KIF6: variants seen among roughly 807,000 people sequenced by gnomAD.
The protein encoded by KIF6 is kinesin-like protein KIF6.
In KIF6, 106 loss-of-function variants were observed where a neutral mutation model predicts 112.7. The observed-to-expected ratio is 0.94, with a 90% CI of 0.80 to 1.11. The LOEUF (loss-of-function observed/expected upper bound fraction) is 1.11. Among genes scored for constraint, KIF6 ranks in the 50% least tolerant of loss-of-function variants. The pLI, the probability that KIF6 is intolerant of heterozygous loss-of-function variation, is 0.00. For synonymous variants in KIF6, 339 were observed against 339.9 expected (o/e 1.00, Z 0.03); for missense variants, 929 against 964.0 (o/e 0.96, Z 0.48).
intron 9 of KIF6, among the ~76,000 whole-genome samples, chr6:39,584,450 A>C (rs1781495587): frequency 7.6e-6 from 1 of 131,832 alleles, no homozygotes; most frequent in African/African-American, 3.3e-5. Flanking sequence ...AAAAAAAAAA[A>C]AAAAAAAAAA....
chr6:39,433,167 A>G (rs1404871365), intron 13 of KIF6, among the ~76,000 whole-genome samples: 2 of 152,268 alleles, frequency 1.3e-5, no homozygotes, highest in East Asian at 1.9e-4. Flanking sequence ...CTTACAATGC[A>G]CTGAGCAACC....
intron 13 of KIF6, among the ~76,000 whole-genome samples, chr6:39,533,842 C>T (rs1209358825): frequency 3.3e-5 from 5 of 152,134 alleles, no homozygotes; most frequent in South Asian, 2.1e-4. Flanking sequence ...CTCACACGGC[C>T]GGGTACTCCT....
chr6:39,526,700 A>G (rs1182632882), intron 13 of KIF6, among the ~76,000 whole-genome samples: 1 of 152,250 alleles, frequency 6.6e-6, no homozygotes, highest in Admixed American at 6.5e-5. Context: ...CATTTCTCTG[A>G]TGTAGCACCT....
chr6:39,365,857 G>A (rs1309284764), intron 16 of KIF6, among the ~76,000 whole-genome samples: 1 of 152,194 alleles, frequency 6.6e-6, no homozygotes, highest in Non-Finnish European at 1.5e-5. Flanking sequence ...CTCACACAGG[G>A]CCATCTCACC....
rs1422891477 is a variant in KIF6 at position 39,543,299 on chromosome 6, G to A, written c.1426+1256C>T. ...CAGGCCGAGACCATGCCAGGAGATG[G>A]ATGGTGTAAGAGGAAGGAAAAGGAA... On this transcript the variant is annotated intron_variant, in intron 12 of 22. Transcript: ENST00000287152. Among the ~76,000 whole-genome samples, 4 of 152,290 alleles carry A rather than the reference G, an allele frequency of 2.6e-5. No individual in the cohort carries two copies. The South Asian group carries it at 8.3e-4, about 32-fold the overall frequency.
intron 10 of KIF6, among the ~76,000 whole-genome samples, chr6:39,572,468 T>C (rs1780696117): frequency 6.6e-6 from 1 of 152,154 alleles, no homozygotes; most frequent in African/African-American, 2.4e-5. Context: ...AAGGATTAAC[T>C]GCAAGAAGAC....
intron 6 of KIF6, 150 bp from the exon 7 acceptor site, chr6:39,596,410 A>C (rs913439283): frequency 3.0e-5 from 19 of 623,508 alleles, no homozygotes; most frequent in African/African-American, 2.8e-4. Context: ...GAGACCTTTA[A>C]AGTAAGTTCT....
chr6:39,472,699 A>G (rs1181548680), intron 13 of KIF6, among the ~76,000 whole-genome samples: 1 of 152,198 alleles, frequency 6.6e-6, no homozygotes, highest in Non-Finnish European at 1.5e-5. Context: ...CCTTGCAGAA[A>G]AATAAAATAC....
At chr6:39,447,410 C>T (rs1772399881) in intron 13 of KIF6, among the ~76,000 whole-genome samples, 1 of 152,198 alleles carries the variant, frequency 6.6e-6, no homozygotes, top group Non-Finnish European at 1.5e-5. Flanking sequence ...CCCTTATCTC[C>T]TGCCTGAACA....
chr6:39,712,528 G>A (rs1044503903), intron 3 of KIF6, among the ~76,000 whole-genome samples: 4 of 152,112 alleles, frequency 2.6e-5, no homozygotes, highest in African/African-American at 4.8e-5. Context: ...CTTTGTTTTA[G>A]TGGAGGCAAA....
intron 13 of KIF6, among the ~76,000 whole-genome samples, chr6:39,488,359 A>C (rs763413590): frequency 3.3e-5 from 5 of 152,148 alleles, no homozygotes; most frequent in African/African-American, 1.2e-4. Context: ...ATCATCTTAG[A>C]TAGTTTGCCC....
chr6:39,428,288 C>T (rs1005833855), intron 14 of KIF6, among the ~76,000 whole-genome samples: 1 of 152,162 alleles, frequency 6.6e-6, no homozygotes. Flanking sequence ...AGAAGCCTCT[C>T]GTATAGACAT....
intron 8 of KIF6, among the ~76,000 whole-genome samples, chr6:39,585,444 T>C (rs946168804): frequency 3.3e-5 from 5 of 152,190 alleles, no homozygotes; most frequent in African/African-American, 1.2e-4. Flanking sequence ...GCCACAGACC[T>C]GGTACTGGTC....
At chr6:39,474,841 C>T (rs551382429) in intron 13 of KIF6, among the ~76,000 whole-genome samples, 29 of 152,254 alleles carry the variant, frequency 1.9e-4, no homozygotes, top group Non-Finnish European at 3.8e-4. Context: ...AACTGCCTTG[C>T]AGTGGGCCTA....
chr6:39,397,881 C>A (rs962685382), intron 15 of KIF6, among the ~76,000 whole-genome samples: 2 of 152,014 alleles, frequency 1.3e-5, no homozygotes, highest in Non-Finnish European at 2.9e-5. Flanking sequence ...GTCAACAATT[C>A]CAAGGGCTAA....
At chr6:39,379,040 G>A (rs950626139) in intron 16 of KIF6, among the ~76,000 whole-genome samples, 1 of 152,200 alleles carries the variant, frequency 6.6e-6, no homozygotes, top group African/African-American at 2.4e-5. Context: ...TGAAGACATC[G>A]TTCACTGTGT....
At chr6:39,346,073 TCTCTCTCTCTCTC>T (rs1562112700) in intron 20 of KIF6, among the ~76,000 whole-genome samples, 15 of 20,438 alleles carry the variant, frequency 7.3e-4, no homozygotes, top group African/African-American at 7.3e-3. Context: ...TCTCTCTCTC[TCTCTCTCTCTCTC>T]CCCCCCCTCT....
chr6:39,543,336 C>T (rs1437628481), intron 12 of KIF6, among the ~76,000 whole-genome samples: 1 of 152,012 alleles, frequency 6.6e-6, no homozygotes, highest in Non-Finnish European at 1.5e-5. Flanking sequence ...GTGAGGGTGA[C>T]AACACCATGG....
At chr6:39,514,774 T>TC (rs58708984) in intron 13 of KIF6, among the ~76,000 whole-genome samples, 44,534 of 150,462 alleles carry the variant, frequency 0.3, 7,856 homozygotes, top group African/African-American at 0.49. Flanking sequence ...AGGCTTTTTT[T>TC]CCCCCCCGGG....
Sources: gnomAD v4.1 joint callset for allele counts (sites outside exome capture counted in the v4.1 genomes callset) on GRCh38, gnomAD v4.1.1 for gene constraint, MANE v1.5 for transcripts, NCBI Gene and HGNC (gene_info 2026-07-23, HGNC 2026-07-21) for gene names.